CCDC91: variants seen among roughly 807,000 people sequenced by gnomAD.
CCDC91 encodes the protein coiled-coil domain-containing protein 91.
Under a neutral mutation model 63.2 loss-of-function variants are expected in CCDC91, and 48 were observed. That is an observed-to-expected ratio of 0.76 (90% confidence interval 0.60 to 0.97). The LOEUF is 0.97. Ranked by LOEUF, CCDC91 falls within the 50% of genes least tolerant of loss-of-function variation. The pLI, the probability that CCDC91 is intolerant of heterozygous loss-of-function variation, is 0.00. For synonymous variants in CCDC91, 167 were observed against 165.8 expected (o/e 1.01, Z -0.06); for missense variants, 500 against 494.6 (o/e 1.01, Z -0.10).
intron 1 of CCDC91, among the ~76,000 whole-genome samples, chr12:28,191,904 G>C (rs1941286561): frequency 6.6e-6 from 1 of 152,160 alleles, no homozygotes; most frequent in Non-Finnish European, 1.5e-5. Context: ...GTATCCTCCA[G>C]GCTGCCTAGG....
chr12:28,332,432 C>T (rs1941589163), intron 6 of CCDC91, among the ~76,000 whole-genome samples: 1 of 152,040 alleles, frequency 6.6e-6, no homozygotes, highest in African/African-American at 2.4e-5. Context: ...GGAAGCATGA[C>T]CTAAAAATAT....
chr12:28,493,060 AG>A (rs2141018551), intron 12 of CCDC91, among the ~76,000 whole-genome samples: 1 of 151,836 alleles, frequency 6.6e-6, no homozygotes, highest in South Asian at 2.1e-4. Flanking sequence ...AATATATAAA[AG>A]AACCACCATT....
chr12:28,448,827 T>C (rs1282114530), intron 8 of CCDC91, among the ~76,000 whole-genome samples: 1 of 152,112 alleles, frequency 6.6e-6, no homozygotes, highest in Non-Finnish European at 1.5e-5. Flanking sequence ...TTGCCTGGTA[T>C]AATATCTTTG....
chr12:28,314,085 T>C (rs2137237204), intron 6 of CCDC91, among the ~76,000 whole-genome samples: 1 of 152,180 alleles, frequency 6.6e-6, no homozygotes, highest in South Asian at 2.1e-4. Flanking sequence ...ATTTTTTGTG[T>C]AAACTTTTTA....
chr12:28,308,547 G>A (rs1217286311), intron 6 of CCDC91, among the ~76,000 whole-genome samples: 1 of 151,950 alleles, frequency 6.6e-6, no homozygotes, highest in African/African-American at 2.4e-5. Flanking sequence ...TCAAGGCTCT[G>A]TGTTCCCTTA....
intron 11 of CCDC91, among the ~76,000 whole-genome samples, chr12:28,477,194 T>C (rs1951148852): frequency 6.6e-6 from 1 of 152,154 alleles, no homozygotes. Flanking sequence ...CCAATATCCC[T>C]GATGAACATG....
chr12:28,207,680 G>C (rs1442224520), intron 1 of CCDC91, among the ~76,000 whole-genome samples: 1 of 152,144 alleles, frequency 6.6e-6, no homozygotes, highest in Admixed American at 6.5e-5. Context: ...TGGAACATTG[G>C]TTATAAACTA....
At chr12:28,339,462 G>T (rs1942256715) in intron 6 of CCDC91, among the ~76,000 whole-genome samples, 1 of 151,620 alleles carries the variant, frequency 6.6e-6, no homozygotes, top group South Asian at 2.1e-4. Flanking sequence ...CAGAGTAAAT[G>T]TAAATAGTAT....
At chr12:28,424,941 A>G (rs1443477544) in intron 8 of CCDC91, among the ~76,000 whole-genome samples, 3 of 152,086 alleles carry the variant, frequency 2.0e-5, no homozygotes, top group Admixed American at 6.6e-5. Flanking sequence ...ATTATATATG[A>G]TGTGAGGCAA....
intron 7 of CCDC91, among the ~76,000 whole-genome samples, chr12:28,363,876 G>GAAAAAAAA (rs34997286): frequency 1.2e-3 from 64 of 52,370 alleles, no homozygotes; most frequent in East Asian, 4.3e-3. Context: ...GGCTCCATCT[G>GAAAAAAAA]AAAAAAAAAA....
intron 11 of CCDC91, among the ~76,000 whole-genome samples, chr12:28,479,354 A>G (rs1361917996): frequency 6.6e-6 from 1 of 152,240 alleles, no homozygotes; most frequent in Non-Finnish European, 1.5e-5. Context: ...TGAGCAAACT[A>G]TCACAAGGAC....
intron 1 of CCDC91, among the ~76,000 whole-genome samples, chr12:28,243,872 A>G (rs1945520764): frequency 6.6e-6 from 1 of 152,232 alleles, no homozygotes; most frequent in African/African-American, 2.4e-5. Flanking sequence ...ATCTGTTGCA[A>G]TCTTTTAAAA....
At chr12:28,477,749 A>G (rs1041849723) in intron 11 of CCDC91, among the ~76,000 whole-genome samples, 4 of 152,208 alleles carry the variant, frequency 2.6e-5, no homozygotes, top group African/African-American at 9.6e-5. Flanking sequence ...TAAGCTGATA[A>G]GCAACTTCAG....
intron 8 of CCDC91, among the ~76,000 whole-genome samples, chr12:28,407,963 TA>T (rs59798084): frequency 0.32 from 39,439 of 122,262 alleles, 5,805 homozygotes; most frequent in South Asian, 0.38. Context: ...TATATATATA[TA>T]TTTTTTTTAT....
intron 3 of CCDC91, among the ~76,000 whole-genome samples, chr12:28,264,589 G>A (rs11049494): frequency 9.9e-5 from 10 of 100,586 alleles, no homozygotes; most frequent in Non-Finnish European, 2.3e-4. Flanking sequence ...GTCTGTCTGT[G>A]TGTGTGTGTG....
At chr12:28,289,410 C>T (rs1949084928) in intron 3 of CCDC91, among the ~76,000 whole-genome samples, 1 of 152,068 alleles carries the variant, frequency 6.6e-6, no homozygotes, top group Admixed American at 6.5e-5. Flanking sequence ...CAAAAGACTT[C>T]TTGATTTCTG....
At chr12:28,211,016 GA>G (rs34537338) in intron 1 of CCDC91, among the ~76,000 whole-genome samples, 38,752 of 149,052 alleles carry the variant, frequency 0.26, 5,298 homozygotes, top group Non-Finnish European at 0.31. Flanking sequence ...CTTGAACAGC[GA>G]GGCTTCCAGG....
chr12:28,474,806 A>G (rs933339571), intron 11 of CCDC91, among the ~76,000 whole-genome samples: 5 of 152,130 alleles, frequency 3.3e-5, no homozygotes, highest in Non-Finnish European at 7.4e-5. Context: ...AAGAACAGAA[A>G]TTATAACAAA....
At chr12:28,517,564 AAT>A (rs1227913234) in intron 12 of CCDC91, among the ~76,000 whole-genome samples, 3 of 151,980 alleles carry the variant, frequency 2.0e-5, no homozygotes, top group Non-Finnish European at 2.9e-5. Flanking sequence ...ATATTCACAC[AAT>A]AGAGTTTTAT....
Sources: gnomAD v4.1 joint callset for allele counts (sites outside exome capture counted in the v4.1 genomes callset) on GRCh38, gnomAD v4.1.1 for gene constraint, MANE v1.5 for transcripts, NCBI Gene and HGNC (gene_info 2026-07-23, HGNC 2026-07-21) for gene names.